The following DDX21 variants were observed in gnomAD, a reference collection of about 807,000 sequenced individuals.
The protein encoded by DDX21 is nucleolar RNA helicase 2.
In DDX21, 18 loss-of-function variants were observed where a neutral mutation model predicts 90.0. The ratio of observed to expected loss-of-function variants is 0.20; its 90% CI spans 0.14 to 0.30. The LOEUF is 0.30. DDX21 is among the 10% of genes least tolerant of loss of function. The pLI is 1.00. For synonymous variants in DDX21, 294 were observed against 318.0 expected, an observed-to-expected ratio of 0.92 and a Z score of 0.80; for missense variants, 673 against 944.5, an observed-to-expected ratio of 0.71 and a Z score of 3.77.
chr10:68,975,229 G>T (rs1171606614), intron 11 of DDX21, among the ~76,000 whole-genome samples: 1 of 152,194 alleles, frequency 6.6e-6, no homozygotes, highest in Non-Finnish European at 1.5e-5. Flanking sequence ...TCCCTGGTAG[G>T]ATGAAAGTTG....
At chr10:68,969,514 G>A (rs1013498784) in intron 7 of DDX21, among the ~76,000 whole-genome samples, 1 of 152,110 alleles carries the variant, frequency 6.6e-6, no homozygotes, top group Non-Finnish European at 1.5e-5. Flanking sequence ...TCTTGACCTC[G>A]TGATCTGCCC....
rs1434685156 is a variant in DDX21 at position 68,967,112 on chromosome 10, T to A, written c.999T>A (p.Leu333=). ...IQNGKLDLTK[L]KHVVLDEVDQ... ...ATGGCAAACTAGATCTCACCAAACT[T>A]AAGCATGTTGTCCTGGATGAAGTGG... The change falls in exon 6 of 15, where the codon CTT becomes CTA. Residue 333 remains leucine (L), a synonymous_variant. Coordinates refer to ENST00000354185, the MANE Select transcript of DDX21 (RefSeq NM_004728.4). 4 of 1,612,202 alleles carry A rather than the reference T, an allele frequency of 2.5e-6. No individual in the cohort carries two copies. Among genetic ancestry groups the A allele is most frequent in the East Asian group, 4.5e-5 (2 of 44,840 alleles).
chr10:68,980,664 A>G (rs1035237326), intron 13 of DDX21, among the ~76,000 whole-genome samples: 3 of 152,150 alleles, frequency 2.0e-5, no homozygotes, highest in Non-Finnish European at 2.9e-5. Context: ...TAGTTTGACT[A>G]TATTTTTAGA....
Position 68,973,671 on chromosome 10 carries a change from CTA to C in DDX21, c.1668+9_1668+10del, listed in dbSNP as rs755469860. The C allele has an allele frequency of 2.5e-6, 4 of 1,607,944 alleles. No individual in the cohort carries two copies. The African/African-American group carries it at 5.4e-5, about 22-fold the overall frequency. ...ACAAGTGGAGCAAAAAGCGGTAAAACTATTCTTACCTTTCATTAAGCAAATGT... is the reference window on the plus strand; with the variant it reads ...ACAAGTGGAGCAAAAAGCGGTAAAACTTCTTACCTTTCATTAAGCAAATGT... On this transcript the variant is annotated splice_region_variant and intron_variant, in intron 10 of 14. Transcript: ENST00000354185.
At position 68,965,506 on chromosome 10, in the gene DDX21, C is replaced by G. The variant is rs538527106; in HGVS notation, c.904+12C>G. 3 of 1,592,294 alleles carry G rather than the reference C, an allele frequency of 1.9e-6. No homozygotes were observed. Among genetic ancestry groups the G allele is most frequent in the South Asian group, 1.1e-5 (1 of 89,986 alleles). Reference sequence around the variant, plus strand: ...CTATGGAGGTCAATGTGAGTACATTCAAAAAGTGAGGGAGGTATAATGCCA... The same window carrying G: ...CTATGGAGGTCAATGTGAGTACATTGAAAAAGTGAGGGAGGTATAATGCCA... On this transcript the variant is annotated intron_variant, in intron 5 of 14. Transcript: ENST00000354185.
intron 11 of DDX21, 50 bp from the exon 12 acceptor site, chr10:68,977,463 GATGTCTTAGAAATGAA>G: frequency 7.1e-7 from 1 of 1,416,970 alleles, no homozygotes; most frequent in East Asian, 2.3e-5. Flanking sequence ...TTTATCTTGA[GATGTCTTAGAAATGAA>G]ATGTGTCCAC....
At chr10:68,970,748 G>A (rs1360370293) in intron 8 of DDX21, among the ~76,000 whole-genome samples, 2 of 152,054 alleles carry the variant, frequency 1.3e-5, no homozygotes, top group Admixed American at 6.6e-5. Flanking sequence ...CGCTTCTTGG[G>A]TTCAAGCAGT....
Position 68,966,940 on chromosome 10 carries a change from A to G in DDX21, c.905-78A>G, listed in dbSNP as rs1175979972. 3.3e-6 allele frequency: 4 copies of G among 1,214,356 alleles called. No homozygotes were observed. The African/African-American group carries it at 6.1e-5, about 19-fold the overall frequency. 75.2% of individuals were successfully genotyped at this position (1,214,356 alleles called of 1,614,324 possible). A position where few individuals can be genotyped will look rare whatever the true frequency, so the allele number is the denominator to read the frequency against. ...ATTTAACAAATATTTTAGAGTAACA[A>G]TACAGTTAACTGTGGTACCCCACAC... On this transcript the variant is annotated intron_variant, in intron 5 of 14. Transcript: ENST00000354185.
intron 13 of DDX21, 103 bp from the exon 14 acceptor site, chr10:68,981,434 T>G: frequency 9.1e-7 from 1 of 1,099,080 alleles, no homozygotes; most frequent in Non-Finnish European, 1.3e-6. Flanking sequence ...TTTTTTTGCT[T>G]TATGTTTTTT....
At chr10:68,970,524 CTGT>C (rs1843010832) in intron 8 of DDX21, among the ~76,000 whole-genome samples, 174 bp downstream of exon 8, 1 of 143,912 alleles carries the variant, frequency 6.9e-6, no homozygotes, top group South Asian at 2.2e-4. Context: ...GAGTCTCATT[CTGT>C]TACCCAGGCT....
intron 5 of DDX21, 32 bp from the exon 6 acceptor site, chr10:68,966,975 TACTTACTAAAA>T (rs1249918859): frequency 6.4e-7 from 1 of 1,570,536 alleles, no homozygotes; most frequent in Admixed American, 1.7e-5. Flanking sequence ...CAGATAAAAG[TACTTACTAAAA>T]ACCCAGCAAA....
At position 68,982,743 on chromosome 10, in the gene DDX21, T is replaced by C. The variant is rs1457590517; in HGVS notation, c.2283T>C (p.Gly761=). The C allele has an allele frequency of 6.2e-7, 1 of 1,613,744 alleles. No individual in the cohort carries two copies. The highest frequency in any genetic ancestry group is 1.3e-5 in the African/African-American group (1 of 74,822). Residue 761 remains glycine (G), a synonymous_variant, in exon 15 of 15, where the codon GGT becomes GGC. Coordinates refer to ENST00000354185, the MANE Select transcript of DDX21 (RefSeq NM_004728.4). The stretch of plus-strand genomic sequence containing the variant: ...GCCCGAGAGGACAGCGATCAGGAGG[T>C]GGCAACAAAAGTAACAGATCCCAAA... The part of the protein sequence containing the change: ...SRGPRGQRSG[G]GNKSNRSQNK...
intron 1 of DDX21, chr10:68,956,596 C>T: frequency 1.6e-6 from 2 of 1,243,194 alleles, no homozygotes; most frequent in Non-Finnish European, 2.0e-6. Context: ...TGTTGGAGCT[C>T]GGGAGAGGGC....
rs534221713 is a variant in DDX21, at chr10:68,966,934, G to C, written c.905-84G>C. 1.5e-4 allele frequency: 172 copies of C among 1,137,940 alleles called. 3 individuals are homozygous for C. In the South Asian group the frequency reaches 2.6e-3, roughly 17 times the overall value. The allele number at this position is 1,137,940 out of a possible 1,614,324, so 70.5% of individuals were successfully genotyped here. Reference sequence around the variant, plus strand: ...GTAGGTATTTAACAAATATTTTAGAGTAACAATACAGTTAACTGTGGTACC... The same window carrying C: ...GTAGGTATTTAACAAATATTTTAGACTAACAATACAGTTAACTGTGGTACC... On this transcript the variant is annotated intron_variant, in intron 5 of 14. Coordinates refer to ENST00000354185, the MANE Select transcript of DDX21 (RefSeq NM_004728.4).
intron 9 of DDX21, among the ~76,000 whole-genome samples, chr10:68,972,959 C>T (rs138866300): frequency 3.3e-5 from 5 of 152,138 alleles, no homozygotes; most frequent in East Asian, 1.9e-4. Context: ...CTGAGGCAAA[C>T]GAATCACTTA....
chr10:68,962,005 T>C, intron 2 of DDX21, 77 bp from the exon 3 acceptor site: 1 of 1,174,872 alleles, frequency 8.5e-7, no homozygotes, highest in Non-Finnish European at 1.2e-6. Context: ...TAGCTTGTTT[T>C]GTCTCTTTCT....
rs369216864 is a variant in DDX21 at position 68,956,216 on chromosome 10, T to C, written c.-10T>C. The C allele has an allele frequency of 6.2e-7, 1 of 1,613,812 alleles. No individual in the cohort carries two copies. Among genetic ancestry groups the C allele is most frequent in the Non-Finnish European group, 8.5e-7 (1 of 1,179,874 alleles). ...AGAAGACCGGTCGGCCTGGGCAACCTGCGCTGAAGATGCCGGGAAAACTCC... is the reference window on the plus strand; with the variant it reads ...AGAAGACCGGTCGGCCTGGGCAACCCGCGCTGAAGATGCCGGGAAAACTCC... On this transcript the variant is annotated 5_prime_UTR_variant, in exon 1 of 15. Coordinates refer to ENST00000354185, the MANE Select transcript of DDX21 (RefSeq NM_004728.4).
intron 8 of DDX21, among the ~76,000 whole-genome samples, chr10:68,971,441 C>T (rs533396022): frequency 3.9e-5 from 6 of 152,148 alleles, no homozygotes; most frequent in Non-Finnish European, 8.8e-5. Flanking sequence ...GAGACCGAGT[C>T]TTGCCATATT....
At chr10:68,972,384 G>A (rs916832849) in intron 9 of DDX21, among the ~76,000 whole-genome samples, 3 of 152,176 alleles carry the variant, frequency 2.0e-5, no homozygotes, top group Non-Finnish European at 4.4e-5. Flanking sequence ...ACAGGGGAGA[G>A]AAAGGGCCTG....
Sources: gnomAD v4.1 joint callset for allele counts (sites outside exome capture counted in the v4.1 genomes callset) on GRCh38, gnomAD v4.1.1 for gene constraint, MANE v1.5 for transcripts, NCBI Gene and HGNC (gene_info 2026-07-23, HGNC 2026-07-21) for gene names.